The following SCN11A variants were observed in gnomAD, a reference collection of about 807,000 sequenced individuals.
SCN11A encodes the protein sodium voltage-gated channel alpha subunit 11.
SCN11A carries 122 observed loss-of-function variants against 162.2 expected under a neutral mutation model. That is an observed-to-expected ratio of 0.75 (90% CI 0.65 to 0.87). SCN11A has a LOEUF of 0.87. Among genes scored for constraint, SCN11A ranks in the 40% least tolerant of loss-of-function variants. The pLI, the probability that SCN11A is intolerant of heterozygous loss-of-function variation, is 0.00. For missense variants in SCN11A, 2,015 were observed against 2,181.6 expected, an observed-to-expected ratio of 0.92 and a Z score of 1.52; for synonymous variants, 758 against 751.5, an observed-to-expected ratio of 1.01 and a Z score of -0.14.
chr3:38,846,407 C>T lies in SCN11A; in HGVS notation c.*287G>A, dbSNP rs111368985. 10 of 342,328 alleles carry T rather than the reference C, an allele frequency of 2.9e-5. No homozygotes were observed. Among genetic ancestry groups the T allele is most frequent in the Admixed American group, 8.2e-5 (2 of 24,360 alleles). The allele number at this position is 342,328 out of a possible 1,614,324, so 21.2% of individuals were successfully genotyped here. A position where few individuals can be genotyped will look rare whatever the true frequency, so the allele number is the denominator to read the frequency against. On this transcript the variant is annotated 3_prime_UTR_variant, in exon 30 of 30. Transcript: ENST00000302328. ...GATTACAGGCATGAGCCACTGCGCC[C>T]GGCCTGAACTATTTCAATCCTAAAA... is the stretch of plus-strand genomic sequence containing the variant.
At chr3:38,963,424 G>GATATAT (rs60520043) in intron 2 of SCN11A, among the ~76,000 whole-genome samples, 7 of 61,450 alleles carry the variant, frequency 1.1e-4, no homozygotes, top group Middle Eastern at 8.6e-3. Flanking sequence ...ATATGATGGA[G>GATATAT]ATATATATAT....
rs974983229 is a variant in SCN11A at position 39,004,925 on chromosome 3, G to T, written c.-280+27455C>A. On this transcript the variant is annotated intron_variant, in intron 2 of 29. Coordinates refer to ENST00000302328, the MANE Select transcript of SCN11A (RefSeq NM_001349253.2). ...ATTGTAGAAGGAAGGGCTTTATTCA[G>T]CTGGGAGCATCAGCAAGCTACTGCC... 3.3e-5 allele frequency among the ~76,000 whole-genome samples: 5 copies of T among 152,166 alleles called. No homozygotes were observed. The South Asian group carries it at 1.0e-3, about 32-fold the overall frequency.
Position 38,929,131 on chromosome 3 carries a change from G to GCGCGCACA in SCN11A, c.489-2201_489-2200insTGTGCGCG, listed in dbSNP as rs774058202. ...ACACTGTCAAAAATACTGGGTCTGT[G>GCGCGCACA]CACGCACACACACACACACACACAC... On this transcript the variant is annotated intron_variant, in intron 7 of 29. Transcript: ENST00000302328. Among the ~76,000 whole-genome samples the GCGCGCACA allele has an allele frequency of 6.2e-3, 229 of 37,058 alleles. 4 individuals are homozygous for GCGCGCACA. Among genetic ancestry groups the GCGCGCACA allele is most frequent in the African/African-American group, 0.015 (211 of 14,172 alleles). The allele number at this position is 37,058 out of a possible 152,430, so 24.3% of individuals were successfully genotyped here. A position where few individuals can be genotyped will look rare whatever the true frequency, so the allele number is the denominator to read the frequency against.
At chr3:38,919,824 T>C (rs979368248) in intron 11 of SCN11A, 111 bp downstream of exon 11, 5 of 773,102 alleles carry the variant, frequency 6.5e-6, no homozygotes, top group Admixed American at 2.4e-5. Flanking sequence ...GAAATAATTA[T>C]GTGAGAACTA....
chr3:39,016,623 G>A (rs1378272687), intron 2 of SCN11A, among the ~76,000 whole-genome samples: 1 of 151,802 alleles, frequency 6.6e-6, no homozygotes, highest in Admixed American at 6.6e-5. Context: ...TATTTTTTGA[G>A]ATGGAGTCTT....
intron 2 of SCN11A, among the ~76,000 whole-genome samples, chr3:39,030,199 C>A (rs540195806): frequency 5.1e-4 from 78 of 152,262 alleles, no homozygotes; most frequent in African/African-American, 1.7e-3. Flanking sequence ...TCTTTGGAGG[C>A]AAGAGGAGGA....
chr3:39,018,267 A>G (rs1285515815), intron 2 of SCN11A, among the ~76,000 whole-genome samples: 2 of 152,170 alleles, frequency 1.3e-5, no homozygotes. Context: ...AATACTAGAA[A>G]AGAACTCTCT....
rs190250869 is a variant in SCN11A, at chr3:38,899,903, G to A, written c.2013C>T (p.Ser671=). ...TAAGAAAGTGCCTTACCACTCTGAA[G>A]GAACGCAAGAATGGCCAGCTTCTCT... ...LQKRSWPFLR[S]FRVLRVFKLA... Residue 671 remains serine (S), a synonymous_variant, in exon 17 of 30, where the codon TCC becomes TCT. Coordinates refer to ENST00000302328, the MANE Select transcript of SCN11A (RefSeq NM_001349253.2). The A allele has an allele frequency of 1.1e-5, 17 of 1,613,598 alleles. No individual in the cohort carries two copies. The highest frequency in any genetic ancestry group is 1.7e-5 in the Admixed American group (1 of 59,972).
rs369560302 is a variant in SCN11A, at chr3:38,897,118, A to C, written c.2130T>G (p.Ile710Met). ...ALGSLTVVLV[I>M]VIFIFSVVGM... ...CAACTACTGAGAAAATAAAGATCACAATGACCAGGACCACAGTCAGGCTTC... is the reference window on the plus strand; with the variant it reads ...CAACTACTGAGAAAATAAAGATCACCATGACCAGGACCACAGTCAGGCTTC... Residue 710 changes from isoleucine (I) to methionine (M), a missense_variant, in exon 18 of 30, where the codon ATT (isoleucine) becomes ATG (methionine). Transcript: ENST00000302328. 14 of 1,613,984 alleles carry C rather than the reference A, an allele frequency of 8.7e-6. No individual in the cohort carries two copies. The Middle Eastern group carries it at 6.6e-4, about 76-fold the overall frequency.
chr3:38,938,507 ATCAT>A lies in SCN11A; in HGVS notation c.488+6900_488+6903del, dbSNP rs1559544712. ...AATAAAAGAAGGCAGAAGGAAAAAT[ATCAT>A]ATATATATATATATATATATATATA... On this transcript the variant is annotated intron_variant, in intron 7 of 29. Transcript: ENST00000302328. Among the ~76,000 whole-genome samples, 256 of 105,788 alleles carry A rather than the reference ATCAT, an allele frequency of 2.4e-3. 2 individuals are homozygous for A. The highest frequency in any genetic ancestry group is 0.01 in the Middle Eastern group (2 of 196). 69.4% of individuals were successfully genotyped at this position (105,788 alleles called of 152,430 possible).
intron 2 of SCN11A, among the ~76,000 whole-genome samples, chr3:39,028,300 G>A (rs2031641614): frequency 6.6e-6 from 1 of 152,186 alleles, no homozygotes; most frequent in African/African-American, 2.4e-5. Flanking sequence ...AAGGGATAGA[G>A]TTCATAGTAC....
At chr3:38,962,319 G>C (rs116792281) in intron 2 of SCN11A, among the ~76,000 whole-genome samples, 3,142 of 152,126 alleles carry the variant, frequency 0.021, 70 homozygotes, top group African/African-American at 0.057. Flanking sequence ...CAGATTTGTT[G>C]TTTTTTCTTA....
At chr3:38,962,632 C>T (rs1234520411) in intron 2 of SCN11A, among the ~76,000 whole-genome samples, 1 of 151,988 alleles carries the variant, frequency 6.6e-6, no homozygotes, top group Admixed American at 6.6e-5. Flanking sequence ...TGATGGATCA[C>T]CTGAAGTCAG....
At chr3:38,956,209 T>C (rs1182376018) in intron 3 of SCN11A, among the ~76,000 whole-genome samples, 1 of 151,984 alleles carries the variant, frequency 6.6e-6, no homozygotes, top group Non-Finnish European at 1.5e-5. Flanking sequence ...TGAGCCATTG[T>C]ACTCCAGCCT....
intron 2 of SCN11A, among the ~76,000 whole-genome samples, chr3:38,997,806 T>C (rs1365621121): frequency 6.6e-6 from 1 of 152,230 alleles, no homozygotes; most frequent in Admixed American, 6.5e-5. Context: ...CCTTAGACAA[T>C]GGGGCTTTCC....
chr3:39,021,480 T>C (rs1194422782), intron 2 of SCN11A, among the ~76,000 whole-genome samples: 2 of 152,084 alleles, frequency 1.3e-5, no homozygotes, highest in Admixed American at 1.3e-4. Context: ...AAGACCCTGG[T>C]GTGGGGAACT....
intron 28 of SCN11A, among the ~76,000 whole-genome samples, chr3:38,854,746 G>C (rs959520689): frequency 3.3e-5 from 5 of 152,214 alleles, no homozygotes; most frequent in African/African-American, 1.2e-4. Context: ...CAGATCACGA[G>C]AGAAGGTTGT....
intron 26 of SCN11A, among the ~76,000 whole-genome samples, chr3:38,868,850 T>G (rs191443939): frequency 6.6e-6 from 1 of 152,282 alleles, no homozygotes; most frequent in East Asian, 1.9e-4. Flanking sequence ...TTGAGTAACA[T>G]AATTGAACAG....
In SCN11A at chr3:38,850,690, A is replaced by G; in HGVS notation, c.4118T>C (p.Ile1373Thr). The G allele has an allele frequency of 6.2e-7, 1 of 1,613,386 alleles. No homozygotes were observed. Among genetic ancestry groups the G allele is most frequent in the Non-Finnish European group, 8.5e-7 (1 of 1,179,346 alleles). Residue 1373 changes from isoleucine (I) to threonine (T), a missense_variant, in exon 29 of 30, where the codon ATA (isoleucine) becomes ACA (threonine). Physicochemically the swap from Ile to Thr is moderately conservative, Grantham distance 89. Coordinates refer to ENST00000302328, the MANE Select transcript of SCN11A (RefSeq NM_001349253.2). ...AATCATGTTTAGGATAATGAGACTT[A>G]TGATGATGATGTCAAAGATCTGGCT... ...VTSQIFDIIIISLIILNMISM... is the reference protein window; with the variant it reads ...VTSQIFDIIITSLIILNMISM...
Sources: gnomAD v4.1 joint callset for allele counts (sites outside exome capture counted in the v4.1 genomes callset) on GRCh38, gnomAD v4.1.1 for gene constraint, MANE v1.5 for transcripts, NCBI Gene and HGNC (gene_info 2026-07-23, HGNC 2026-07-21) for gene names.